Variants in FUT9 observed in about 807,000 individuals in gnomAD.
FUT9 encodes 4-galactosyl-N-acetylglucosaminide 3-alpha-L-fucosyltransferase 9.
A neutral mutation model predicts 29.7 loss-of-function variants in FUT9; 15 were observed. The observed-to-expected ratio is 0.51, with a 90% confidence interval of 0.34 to 0.78. The LOEUF (loss-of-function observed/expected upper bound fraction) is 0.78. Among genes scored for constraint, FUT9 ranks in the 30% least tolerant of loss-of-function variants. The probability of loss-of-function intolerance (pLI) is 0.01; values close to 1 mark genes in which losing one functional copy is unlikely to be tolerated. For synonymous variants in FUT9, 169 were observed against 153.7 expected (o/e 1.10, Z -0.74); for missense variants, 319 against 425.4 (o/e 0.75, Z 2.20).
At position 96,204,074 on chromosome 6, in the gene FUT9, A is replaced by C. The variant is rs1309136454; in HGVS notation, c.919A>C (p.Lys307Gln). The change falls in exon 3 of 3, where the codon AAA (lysine) becomes CAA (glutamine). Residue 307 changes from lysine (K) to glutamine (Q), a missense_variant. Lys to Gln is a moderately conservative substitution (Grantham distance 53). Coordinates refer to ENST00000302103, the MANE Select transcript of FUT9 (RefSeq NM_006581.4). The part of the protein sequence containing the change: ...ELAKYLKEVD[K>Q]NNKLYLSYFN... ...AGCAAAGTATCTGAAGGAAGTCGAC[A>C]AAAACAATAAGTTATACCTTAGTTA... is the stretch of plus-strand genomic sequence containing the variant. 1 of 1,548,008 alleles carries C rather than the reference A, an allele frequency of 6.5e-7. No individual in the cohort carries two copies. The highest frequency in any genetic ancestry group is 2.1e-5 in the Admixed American group (1 of 48,272).
At chr6:96,127,037 T>C (rs1772145958) in intron 2 of FUT9, among the ~76,000 whole-genome samples, 1 of 152,226 alleles carries the variant, frequency 6.6e-6, no homozygotes, top group South Asian at 2.1e-4. Flanking sequence ...TACTGTTTTT[T>C]TAAACATTTA....
intron 1 of FUT9, among the ~76,000 whole-genome samples, chr6:96,019,764 T>G (rs1770037307): frequency 6.6e-6 from 1 of 152,068 alleles, no homozygotes; most frequent in African/African-American, 2.4e-5. Context: ...CTCGGCATTC[T>G]TAATAGAAAG....
intron 1 of FUT9, among the ~76,000 whole-genome samples, chr6:96,048,185 C>G (rs541694941): frequency 6.6e-6 from 1 of 152,112 alleles, no homozygotes; most frequent in African/African-American, 2.4e-5. Flanking sequence ...ATATTGGGCC[C>G]TCCAGAAAAT....
rs1332264299 is a variant in FUT9 at position 96,209,705 on chromosome 6, T to G, written c.*5470T>G. The G allele has an allele frequency of 6.0e-6, 1 of 166,756 alleles. No homozygotes were observed. The highest frequency in any genetic ancestry group is 1.9e-4 in the East Asian group (1 of 5,192). 10.3% of individuals were successfully genotyped at this position (166,756 alleles called of 1,614,324 possible). On this transcript the variant is annotated 3_prime_UTR_variant, in exon 3 of 3. Transcript: ENST00000302103. ...TCATAGTTAACATATGTCCATGCAT[T>G]TGATTTACTTTAAAAATATTTTATT...
At chr6:96,108,940 T>C (rs886241938) in intron 1 of FUT9, among the ~76,000 whole-genome samples, 2 of 152,132 alleles carry the variant, frequency 1.3e-5, no homozygotes, top group African/African-American at 4.8e-5. Context: ...TTAGGAACCC[T>C]TATGGCCATA....
chr6:96,159,565 C>A (rs1028348258), intron 2 of FUT9, among the ~76,000 whole-genome samples: 1 of 152,086 alleles, frequency 6.6e-6, no homozygotes, highest in Non-Finnish European at 1.5e-5. Context: ...CAGAACCAGG[C>A]TAATTACACT....
chr6:96,021,935 G>T (rs764678344), intron 1 of FUT9, among the ~76,000 whole-genome samples: 1 of 151,844 alleles, frequency 6.6e-6, no homozygotes, highest in Non-Finnish European at 1.5e-5. Context: ...GTTCAATATT[G>T]GTTTACCAAG....
intron 2 of FUT9, among the ~76,000 whole-genome samples, chr6:96,115,142 A>G (rs1256493231): frequency 2.0e-5 from 3 of 152,242 alleles, no homozygotes; most frequent in African/African-American, 7.2e-5. Flanking sequence ...TACATATTTT[A>G]TAGCAGTGCT....
Position 96,204,955 on chromosome 6 carries a change from G to T in FUT9, c.*720G>T. On this transcript the variant is annotated 3_prime_UTR_variant, in exon 3 of 3. Transcript: ENST00000302103. The stretch of plus-strand genomic sequence containing the variant: ...ATTTGTTGTGATTTTCAGCACCTGG[G>T]AAGTAATCCCAATAATACTTTAGAA... 1 of 162,394 alleles carries T rather than the reference G, an allele frequency of 6.2e-6. No homozygotes were observed. 10.1% of individuals were successfully genotyped at this position (162,394 alleles called of 1,614,324 possible). A position where few individuals can be genotyped will look rare whatever the true frequency, so the allele number is the denominator to read the frequency against.
In FUT9 at chr6:96,209,174, A is replaced by G. The variant is rs1773887777; in HGVS notation, c.*4939A>G. The G allele has an allele frequency of 6.0e-6, 1 of 166,868 alleles. No homozygotes were observed. The highest frequency in any genetic ancestry group is 2.1e-4 in the South Asian group (1 of 4,822). The allele number at this position is 166,868 out of a possible 1,614,324, so 10.3% of individuals were successfully genotyped here. ...TGTTTGTAAGCTTTCTTCTAGCACT[A>G]TTACTCTTATCTAAGATCGAAATTG... On this transcript the variant is annotated 3_prime_UTR_variant, in exon 3 of 3. Coordinates refer to ENST00000302103, the MANE Select transcript of FUT9 (RefSeq NM_006581.4).
intron 1 of FUT9, among the ~76,000 whole-genome samples, chr6:96,029,682 G>GA (rs1770227702): frequency 6.6e-6 from 1 of 151,488 alleles, no homozygotes; most frequent in Non-Finnish European, 1.5e-5. Context: ...AAAATTTAAA[G>GA]AAAGAAAAAC....
chr6:96,208,904 T>TG lies in FUT9; in HGVS notation c.*4669_*4670insG, dbSNP rs1202452817. 6 of 166,090 alleles carry TG rather than the reference T, an allele frequency of 3.6e-5. No individual in the cohort carries two copies. Among genetic ancestry groups the TG allele is most frequent in the African/African-American group, 1.5e-4 (6 of 41,282 alleles). 10.3% of individuals were successfully genotyped at this position (166,090 alleles called of 1,614,324 possible). On this transcript the variant is annotated 3_prime_UTR_variant, in exon 3 of 3. Transcript: ENST00000302103. ...GCAATCAGTCAATTAAGGTGATTTT[T>TG]TTTTTCTGGATGTCTCAATCTAGAG...
chr6:96,039,515 G>C (rs959527884), intron 1 of FUT9, among the ~76,000 whole-genome samples: 1 of 151,972 alleles, frequency 6.6e-6, no homozygotes. Context: ...TCTTGAACTT[G>C]GCAAGTTTTT....
At position 96,203,464 on chromosome 6, in the gene FUT9, C is replaced by T. The variant is rs754330739; in HGVS notation, c.309C>T (p.Ser103=). 1 of 1,607,908 alleles carries T rather than the reference C, an allele frequency of 6.2e-7. No homozygotes were observed. The highest frequency in any genetic ancestry group is 8.5e-7 in the Non-Finnish European group (1 of 1,176,702). The change falls in exon 3 of 3, where the codon TCC becomes TCT. Residue 103 remains serine, a synonymous_variant. Transcript: ENST00000302103. ...CGGACCGTTCACTGTACAACAAATC[C>T]CATGCAGTTCTGATCCATCACCGAG... ...LTTDRSLYNK[S]HAVLIHHRDI... is the part of the protein sequence containing the mutation.
rs1006987714 is a variant in FUT9 at position 96,138,608 on chromosome 6, T to A, written c.-9+24481T>A. 3.3e-5 allele frequency among the ~76,000 whole-genome samples: 5 copies of A among 152,054 alleles called. No homozygotes were observed. The South Asian group carries it at 8.3e-4, about 25-fold the overall frequency. On this transcript the variant is annotated intron_variant, in intron 2 of 2. Coordinates refer to ENST00000302103, the MANE Select transcript of FUT9 (RefSeq NM_006581.4). ...GTTAGCAACAAGGTTGAGGACACAA[T>A]TAACAGTCTGAAATTATATCATCGT...
At chr6:96,106,421 C>A (rs995395169) in intron 1 of FUT9, among the ~76,000 whole-genome samples, 1 of 151,754 alleles carries the variant, frequency 6.6e-6, no homozygotes, top group Non-Finnish European at 1.5e-5. Context: ...TTGCCATAGA[C>A]AAAAAATTAA....
intron 1 of FUT9, among the ~76,000 whole-genome samples, chr6:96,022,479 C>G (rs1331524560): frequency 6.6e-6 from 1 of 151,976 alleles, no homozygotes; most frequent in Non-Finnish European, 1.5e-5. Context: ...GAAACTGAGA[C>G]CATCTCCTGA....
rs955400862 is a variant in FUT9, at chr6:96,214,811, C to A, written c.*10576C>A. ...GCTATGTTATTAAAATGATGGGAAT[C>A]CTATTTATACATTTATTTATTTATT... On this transcript the variant is annotated 3_prime_UTR_variant, in exon 3 of 3. Coordinates refer to ENST00000302103, the MANE Select transcript of FUT9 (RefSeq NM_006581.4). 1 of 166,798 alleles carries A rather than the reference C, an allele frequency of 6.0e-6. No homozygotes were observed. The highest frequency in any genetic ancestry group is 2.4e-5 in the African/African-American group (1 of 41,386). 10.3% of individuals were successfully genotyped at this position (166,798 alleles called of 1,614,324 possible). A position where few individuals can be genotyped will look rare whatever the true frequency, so the allele number is the denominator to read the frequency against.
intron 1 of FUT9, among the ~76,000 whole-genome samples, chr6:96,103,429 C>G (rs1483704768): frequency 1.3e-5 from 2 of 152,034 alleles, no homozygotes; most frequent in Non-Finnish European, 2.9e-5. Context: ...TGTTAATTTC[C>G]TAAGGCTGCC....
Sources: gnomAD v4.1 joint callset for allele counts (sites outside exome capture counted in the v4.1 genomes callset) on GRCh38, gnomAD v4.1.1 for gene constraint, MANE v1.5 for transcripts, NCBI Gene and HGNC (gene_info 2026-07-23, HGNC 2026-07-21) for gene names.